Variants in RTBDN observed in about 807,000 individuals in gnomAD.
The protein encoded by RTBDN is retbindin.
RTBDN carries 24 observed loss-of-function variants against 21.9 expected under a neutral mutation model. The observed-to-expected ratio is 1.10, with a 90% CI of 0.79 to 1.54. The LOEUF (loss-of-function observed/expected upper bound fraction) is 1.54. Ranked by LOEUF, RTBDN falls within the 40% of genes most tolerant of loss-of-function variation. The pLI is 0.00. For synonymous variants in RTBDN, 141 were observed against 125.9 expected, an observed-to-expected ratio of 1.12 and a Z score of -0.80; for missense variants, 325 against 315.2, an observed-to-expected ratio of 1.03 and a Z score of -0.23.
upstream of RTBDN, chr19:12,834,651 G>T: frequency 6.6e-7 from 1 of 1,523,660 alleles, no homozygotes; most frequent in African/African-American, 1.4e-5. The surrounding 1 kb of genome is among the most constrained non-coding windows in gnomAD (Gnocchi z 4.7). Flanking sequence ...TTAGCTCCTT[G>T]CAGCCTTAGA....
rs148356961 is a variant in RTBDN at position 12,827,019 on chromosome 19, C to T, written c.366-148G>A. 546 of 637,596 alleles carry T rather than the reference C, an allele frequency of 8.6e-4. 4 individuals carry two copies. The East Asian group carries it at 0.014, about 17-fold the overall frequency. The allele number at this position is 637,596 out of a possible 1,614,324, so 39.5% of individuals were successfully genotyped here. ...CCACTCCCCTGCTAACTAACCCCAT[C>T]TCTCCAGATTTCACCCTGCCCCATA... is the stretch of plus-strand genomic sequence containing the variant. On this transcript the variant is annotated intron_variant, in intron 4 of 5. Coordinates refer to ENST00000674343, the MANE Select transcript of RTBDN (RefSeq NM_001270441.2).
At chr19:12,828,093 CAAA>C (rs61021695) in intron 4 of RTBDN, among the ~76,000 whole-genome samples, 41,685 of 125,068 alleles carry the variant, frequency 0.33, 6,791 homozygotes, top group East Asian at 0.52. Flanking sequence ...AACTCCATCT[CAAA>C]AAAAAAAAAA....
At position 12,830,328 on chromosome 19, in the gene RTBDN, C is replaced by T. The variant is rs536712754; in HGVS notation, c.-18-331G>A. 2.8e-6 allele frequency: 3 copies of T among 1,055,988 alleles called. No individual in the cohort carries two copies. 65.4% of individuals were successfully genotyped at this position (1,055,988 alleles called of 1,614,324 possible). On this transcript the variant is annotated intron_variant, in intron 1 of 5. Coordinates refer to ENST00000674343, the MANE Select transcript of RTBDN (RefSeq NM_001270441.2). This position sits in a 1 kb window ranked among gnomAD's most constrained non-coding sequence, Gnocchi z 4.2. ...CCTTCTTTTCTCAGAATGAAGGGGA[C>T]CTCCCTAGGTCTTCCAATCCCCCTC...
At chr19:12,826,679 A>C (rs1431441564) in intron 5 of RTBDN, 96 bp downstream of exon 5, 1 of 961,936 alleles carries the variant, frequency 1.0e-6, no homozygotes, top group Non-Finnish European at 1.6e-6. Flanking sequence ...GGGTGACAAG[A>C]ATGAAACTCC....
chr19:12,834,061 G>A lies in RTBDN; in HGVS notation c.-19+428C>T. ...AGGAAGGGGTCGGCGCCCTGGGGCG[G>A]GGCTGGGCAGGAGGCGGGAGAACTT... On this transcript the variant is annotated intron_variant, in intron 1 of 5. Transcript: ENST00000674343. The surrounding 1 kb of genome is among the most constrained non-coding windows in gnomAD (Gnocchi z 4.7). 2.5e-6 allele frequency: 1 copy of A among 398,382 alleles called. No individual in the cohort carries two copies. The highest frequency in any genetic ancestry group is 4.4e-6 in the Non-Finnish European group (1 of 225,970). The allele number at this position is 398,382 out of a possible 1,614,324, so 24.7% of individuals were successfully genotyped here.
intron 2 of RTBDN, among the ~76,000 whole-genome samples, 157 bp downstream of exon 2, chr19:12,829,654 G>T (rs1969478484): frequency 6.6e-6 from 1 of 152,236 alleles, no homozygotes; most frequent in African/African-American, 2.4e-5. Context: ...TTGAACCCAG[G>T]CAGTCTAATT....
At chr19:12,826,723 C>A in intron 5 of RTBDN, 52 bp downstream of exon 5, 5 of 1,089,818 alleles carry the variant, frequency 4.6e-6, no homozygotes, top group East Asian at 2.6e-5. Flanking sequence ...AAATAAATAA[C>A]TTGGTGGGGA....
intron 1 of RTBDN, chr19:12,833,900 T>A: frequency 1.9e-5 from 3 of 159,464 alleles, no homozygotes; most frequent in Non-Finnish European, 2.6e-5. Flanking sequence ...ACTCCCTCCC[T>A]CCTCCCTCCT....
chr19:12,827,214 C>T (rs1056017671), intron 4 of RTBDN, among the ~76,000 whole-genome samples: 7 of 152,026 alleles, frequency 4.6e-5, no homozygotes, highest in South Asian at 4.1e-4. Context: ...AGTGCAGTGG[C>T]GTAAGCATGG....
Position 12,825,605 on chromosome 19 carries a change from A to T in RTBDN, c.*101T>A, listed in dbSNP as rs1407475633. On this transcript the variant is annotated 3_prime_UTR_variant, in exon 6 of 6. Coordinates refer to ENST00000674343, the MANE Select transcript of RTBDN (RefSeq NM_001270441.2). ...AGGGAGGAGGGACAGACATCTCAAA[A>T]CTATTACAGAAGGCCGAGAGGACGA... 1 of 1,451,712 alleles carries T rather than the reference A, an allele frequency of 6.9e-7. No homozygotes were observed. Among genetic ancestry groups the T allele is most frequent in the Non-Finnish European group, 9.1e-7 (1 of 1,102,460 alleles). The allele number at this position is 1,451,712 out of a possible 1,614,324, so 89.9% of individuals were successfully genotyped here.
Position 12,825,748 on chromosome 19 carries a change from A to G in RTBDN, c.648T>C (p.Ala216=). ...SRSPRTSILD[A]AGSGSGSGSG... ...TTCCACTGCCACTCCCGCTGCCCGCAGCGTCCAGGATGGAGGTGCGAGGGC... is the reference window on the plus strand; with the variant it reads ...TTCCACTGCCACTCCCGCTGCCCGCGGCGTCCAGGATGGAGGTGCGAGGGC... The change falls in exon 6 of 6, where the codon GCT becomes GCC. Residue 216 remains alanine (A), a synonymous_variant. Transcript: ENST00000674343. 1 of 1,604,078 alleles carries G rather than the reference A, an allele frequency of 6.2e-7. No homozygotes were observed. Among genetic ancestry groups the G allele is most frequent in the Non-Finnish European group, 8.5e-7 (1 of 1,175,932 alleles).
rs1411789155 is a variant in RTBDN, at chr19:12,828,664, G to A, written c.358C>T (p.Gln120Ter). 2 of 1,613,136 alleles carry A rather than the reference G, an allele frequency of 1.2e-6. No homozygotes were observed. The highest frequency in any genetic ancestry group is 3.3e-5 in the Admixed American group (2 of 59,950). The change falls in exon 4 of 6, where the codon CAG becomes TAG. Residue 120 changes from glutamine (Q) to a stop codon, truncating the protein, a stop_gained. Transcript: ENST00000674343. LOFTEE classifies it high-confidence loss of function. ...QAQPLCEELC[Q>*]AWFANCEDDI... is the part of the protein sequence containing the mutation. ...TGCCCCCGCGTCTCCTACCAGGCCTGGCAGAGCTCCTCGCAGAGCGGCTGT... is the reference window on the plus strand; with the variant it reads ...TGCCCCCGCGTCTCCTACCAGGCCTAGCAGAGCTCCTCGCAGAGCGGCTGT...
At position 12,826,004 on chromosome 19, in the gene RTBDN, G is replaced by GA. The variant is rs529416247; in HGVS notation, c.463-72dup. On this transcript the variant is annotated intron_variant, in intron 5 of 5. Transcript: ENST00000674343. Reference sequence around the variant, plus strand: ...CGTGGGGGGCGTGGCCTCGGGAAGGGAAAAATGTGTAAATTCCTTAGGGAT... The same window carrying GA: ...CGTGGGGGGCGTGGCCTCGGGAAGGGAAAAAATGTGTAAATTCCTTAGGGAT... The GA allele has an allele frequency of 1.3e-3, 1,931 of 1,462,608 alleles. 22 individuals carry two copies. In the South Asian group the frequency reaches 0.016, roughly 12 times the overall value. 90.6% of individuals were successfully genotyped at this position (1,462,608 alleles called of 1,614,324 possible). A position where few individuals can be genotyped will look rare whatever the true frequency, so the allele number is the denominator to read the frequency against.
rs78155676 is a variant in RTBDN at position 12,830,386 on chromosome 19, C to T, written c.-18-389G>A. On this transcript the variant is annotated intron_variant, in intron 1 of 5. Transcript: ENST00000674343. The surrounding 1 kb of genome is among the most constrained non-coding windows in gnomAD (Gnocchi z 4.2). ...CAGTAATTCCTCCCTCTCTTCTATG[C>T]GGCCTCCCTCCTCCCTCTCTCGCTC... The T allele has an allele frequency of 2.2e-5, 22 of 994,300 alleles. No homozygotes were observed. Among genetic ancestry groups the T allele is most frequent in the African/African-American group, 7.0e-5 (4 of 57,524 alleles). The allele number at this position is 994,300 out of a possible 1,614,324, so 61.6% of individuals were successfully genotyped here.
rs1468514092 is a variant in RTBDN, at chr19:12,830,421, C to T, written c.-18-424G>A. 2.0e-6 allele frequency: 2 copies of T among 989,248 alleles called. No homozygotes were observed. The highest frequency in any genetic ancestry group is 2.4e-6 in the Non-Finnish European group (2 of 832,598). The allele number at this position is 989,248 out of a possible 1,614,324, so 61.3% of individuals were successfully genotyped here. A position where few individuals can be genotyped will look rare whatever the true frequency, so the allele number is the denominator to read the frequency against. ...CCTCCCTCTCTCGCTCCCTGCCGGC[C>T]CTTCTCTGGGTCACCTTCTCTCGGC... On this transcript the variant is annotated intron_variant, in intron 1 of 5. Coordinates refer to ENST00000674343, the MANE Select transcript of RTBDN (RefSeq NM_001270441.2). This position sits in a 1 kb window ranked among gnomAD's most constrained non-coding sequence, Gnocchi z 4.2.
chr19:12,825,684 C>T lies in RTBDN; in HGVS notation c.*22G>A, dbSNP rs1969257798. ...CGGGGCTGGGGGAAGGGTCGCTCCC[C>T]CAACTCAGGGCCACGCGTCCGCTAG... On this transcript the variant is annotated 3_prime_UTR_variant, in exon 6 of 6. Coordinates refer to ENST00000674343, the MANE Select transcript of RTBDN (RefSeq NM_001270441.2). 1.3e-6 allele frequency: 2 copies of T among 1,548,992 alleles called. No homozygotes were observed. The highest frequency in any genetic ancestry group is 2.4e-5 in the East Asian group (1 of 41,068).
rs528262308 is a variant in RTBDN at position 12,826,348 on chromosome 19, A to T, written c.463-415T>A. 1.3e-4 allele frequency: 160 copies of T among 1,242,398 alleles called. 1 individual carries two copies. The African/African-American group carries it at 2.0e-3, about 16-fold the overall frequency. 77.0% of individuals were successfully genotyped at this position (1,242,398 alleles called of 1,614,324 possible). On this transcript the variant is annotated intron_variant, in intron 5 of 5. Transcript: ENST00000674343. The stretch of plus-strand genomic sequence containing the variant: ...GGTTGGGCTAGGGAAGGGTGGGAGC[A>T]GGGACCTGGGGAGTACCAATCCGGT...
Position 12,834,103 on chromosome 19 carries a change from G to C in RTBDN, c.-19+386C>G. The C allele has an allele frequency of 2.5e-6, 1 of 399,302 alleles. No homozygotes were observed. Among genetic ancestry groups the C allele is most frequent in the East Asian group, 3.6e-5 (1 of 28,004 alleles). The allele number at this position is 399,302 out of a possible 1,614,324, so 24.7% of individuals were successfully genotyped here. On this transcript the variant is annotated intron_variant, in intron 1 of 5. Transcript: ENST00000674343. The surrounding 1 kb of genome is among the most constrained non-coding windows in gnomAD (Gnocchi z 4.7). ...GGAGAACTTGCACTAGGGTCAGCCGGGACGCCCCCACCCATAGGTTCGGGA... is the reference window on the plus strand; with the variant it reads ...GGAGAACTTGCACTAGGGTCAGCCGCGACGCCCCCACCCATAGGTTCGGGA...
chr19:12,833,954 C>T (rs1599568227), intron 1 of RTBDN: 1 of 397,626 alleles, frequency 2.5e-6, no homozygotes. Context: ...GCCGAAGTCG[C>T]CGCCGCTGCC....
Sources: gnomAD v4.1 joint callset for allele counts (sites outside exome capture counted in the v4.1 genomes callset) on GRCh38, gnomAD v4.1.1 for gene constraint, Gnocchi (gnomAD v3.1) non-coding constraint, MANE v1.5 for transcripts, NCBI Gene and HGNC (gene_info 2026-07-23, HGNC 2026-07-21) for gene names.